TNK2: variants seen among roughly 807,000 people sequenced by gnomAD.
TNK2 encodes the protein activated CDC42 kinase 1.
TNK2 carries 83 observed loss-of-function variants against 101.8 expected under a neutral mutation model. That is an observed-to-expected ratio of 0.82 (90% confidence interval 0.68 to 0.98). TNK2 has a LOEUF of 0.98. TNK2 is among the 50% of genes least tolerant of loss of function. The pLI, the probability that TNK2 is intolerant of heterozygous loss-of-function variation, is 0.00. For synonymous variants in TNK2, 804 were observed against 633.0 expected, an observed-to-expected ratio of 1.27 and a Z score of -4.06; for missense variants, 1,665 against 1,483.2, an observed-to-expected ratio of 1.12 and a Z score of -2.01.
intron 11 of TNK2, 165 bp from the exon 12 acceptor site, chr3:195,869,706 C>T: frequency 1.4e-6 from 1 of 722,756 alleles, no homozygotes; most frequent in South Asian, 1.7e-5. Context: ...CCGCAGGCGG[C>T]AGGATGAGGA....
intron 9 of TNK2, among the ~76,000 whole-genome samples, chr3:195,874,431 A>G (rs547471690): frequency 6.6e-6 from 1 of 152,344 alleles, no homozygotes; most frequent in South Asian, 2.1e-4. Context: ...ACCACTCGAG[A>G]AAACATGCTT....
In TNK2 at chr3:195,878,667, C is replaced by G; in HGVS notation, c.1015-75G>C. On this transcript the variant is annotated intron_variant, in intron 7 of 15. Transcript: ENST00000672887. This position sits in a 1 kb window ranked among gnomAD's most constrained non-coding sequence, Gnocchi z 4.7. Reference sequence around the variant, plus strand: ...TTCACTTCCCGCCTTCCCTCCAGCCCATCCACAGCTGCAGCGGCTGCTGCC... The same window carrying G: ...TTCACTTCCCGCCTTCCCTCCAGCCGATCCACAGCTGCAGCGGCTGCTGCC... The G allele has an allele frequency of 6.4e-7, 1 of 1,554,874 alleles. No individual in the cohort carries two copies. Among genetic ancestry groups the G allele is most frequent in the South Asian group, 1.2e-5 (1 of 85,168 alleles).
At position 195,868,283 on chromosome 3, in the gene TNK2, G is replaced by T; in HGVS notation, c.2015C>A (p.Ala672Glu). Residue 672 changes from alanine (A) to glutamate (E), a missense_variant, in exon 13 of 16, where the codon GCG becomes GAG. Physicochemically the swap from Ala to Glu is moderately radical, Grantham distance 107. Around this residue, in one of 3 missense-constraint regions of TNK2, gnomAD observed 1,136 missense variants for 894.9 expected, o/e 1.27. Coordinates refer to ENST00000672887, the MANE Select transcript of TNK2 (RefSeq NM_001382273.1). ...ICSINSTLVG[A>E]GVPAGPSQGQ... ...CTGGCTGGGCCCGGCAGGGACCCCCGCGCCCACGAGGGTGCTGTTGATGGA... is the reference window on the plus strand; with the variant it reads ...CTGGCTGGGCCCGGCAGGGACCCCCTCGCCCACGAGGGTGCTGTTGATGGA... The T allele has an allele frequency of 6.2e-7, 1 of 1,603,958 alleles. No homozygotes were observed.
intron 6 of TNK2, among the ~76,000 whole-genome samples, chr3:195,879,723 G>A (rs1751332623): frequency 6.6e-6 from 1 of 152,116 alleles, no homozygotes; most frequent in South Asian, 2.1e-4. Flanking sequence ...AGGACATCCC[G>A]GCGTGGACTG....
chr3:195,879,229 G>C (rs199697262), intron 6 of TNK2, 54 bp from the exon 7 acceptor site: 1 of 1,603,444 alleles, frequency 6.2e-7, no homozygotes, highest in South Asian at 1.1e-5. Context: ...ACCTGCGTCC[G>C]CCCCAGGGAC....
Position 195,870,191 on chromosome 3 carries a change from T to G in TNK2, c.1466A>C (p.Asn489Thr). The change falls in exon 11 of 16, where the codon AAC becomes ACC. Residue 489 changes from asparagine to threonine, a missense_variant. By Grantham distance (65) the Asn-to-Thr change is moderately conservative (BLOSUM62 0). Around this residue, in one of 3 missense-constraint regions of TNK2, gnomAD observed 1,136 missense variants for 894.9 expected, o/e 1.27. Transcript: ENST00000672887. ...CAGGAGGTCGGGGGGGTCCATGGGGTTTCCCAGATACAGTCTGTGGGGGAG... is the reference window on the plus strand; with the variant it reads ...CAGGAGGTCGGGGGGGTCCATGGGGGTTCCCAGATACAGTCTGTGGGGGAG... ...PDRIDELYLG[N>T]PMDPPDLLSV... 6.4e-7 allele frequency: 1 copy of G among 1,556,404 alleles called. No homozygotes were observed. Among genetic ancestry groups the G allele is most frequent in the Non-Finnish European group, 8.7e-7 (1 of 1,147,068 alleles).
chr3:195,893,703 C>T (rs1299257463), intron 1 of TNK2, among the ~76,000 whole-genome samples: 1 of 152,056 alleles, frequency 6.6e-6, no homozygotes, highest in Admixed American at 6.5e-5. Context: ...GCTCCCCAGG[C>T]ACCCCCCTCC....
At chr3:195,887,069 G>A (rs372044140) in intron 2 of TNK2, 22 bp from the exon 3 acceptor site, 296 of 1,600,054 alleles carry the variant, frequency 1.8e-4, no homozygotes, top group Non-Finnish European at 2.2e-4. Context: ...GCGGGGAACC[G>A]CGTGCTGTGA....
In TNK2 at chr3:195,872,603, C is replaced by T. The variant is rs920483333; in HGVS notation, c.1257-133G>A. 17 of 931,622 alleles carry T rather than the reference C, an allele frequency of 1.8e-5. No individual in the cohort carries two copies. In the African/African-American group the frequency reaches 2.0e-4, roughly 11 times the overall value. The allele number at this position is 931,622 out of a possible 1,614,324, so 57.7% of individuals were successfully genotyped here. A position where few individuals can be genotyped will look rare whatever the true frequency, so the allele number is the denominator to read the frequency against. ...GCCTCAGGACCAGGCTGTGTGCCAC[C>T]GGCCCTCCTCCCCAACAGCCCCCGT... is the stretch of plus-strand genomic sequence containing the variant. On this transcript the variant is annotated intron_variant, in intron 9 of 15. Coordinates refer to ENST00000672887, the MANE Select transcript of TNK2 (RefSeq NM_001382273.1).
At chr3:195,870,957 G>GGGGACTCGCTGTGTGGGGTTCTGGTGTGT (rs1744758852) in intron 10 of TNK2, among the ~76,000 whole-genome samples, 7 of 135,130 alleles carry the variant, frequency 5.2e-5, no homozygotes, top group Middle Eastern at 3.7e-3. Flanking sequence ...TTCTGGTGTG[G>GGGGACTCGCTGTGTGGGGTTCTGGTGTGT]GGGGACTCGC....
At chr3:195,876,406 A>C (rs1288145600) in intron 9 of TNK2, 2 of 456,658 alleles carry the variant, frequency 4.4e-6, no homozygotes, top group Non-Finnish European at 8.8e-6. Context: ...AACTCCAAAC[A>C]CAGACCCACA....
intron 4 of TNK2, 78 bp downstream of exon 4, chr3:195,884,734 C>A: frequency 4.4e-6 from 6 of 1,372,308 alleles, no homozygotes; most frequent in Non-Finnish European, 6.0e-6. Context: ...CCATCCACAC[C>A]CTGGTTGGGG....
chr3:195,876,741 G>T (rs756049680), intron 9 of TNK2: 1 of 429,500 alleles, frequency 2.3e-6, no homozygotes, highest in South Asian at 1.6e-5. Context: ...GCCAACGGGG[G>T]CCTTCGACGG....
chr3:195,881,921 C>T (rs1459000034), intron 6 of TNK2, 130 bp downstream of exon 6: 8 of 1,109,552 alleles, frequency 7.2e-6, no homozygotes, highest in African/African-American at 1.6e-5. Context: ...CAAAGGAGGG[C>T]ACCCCAGGCT....
At chr3:195,892,046 C>T in intron 1 of TNK2, 1 of 1,040,320 alleles carries the variant, frequency 9.6e-7, no homozygotes, top group African/African-American at 1.7e-5. Flanking sequence ...TCCAGGGTGA[C>T]TCCGCAGGGG....
Position 195,868,582 on chromosome 3 carries a change from G to A in TNK2, c.1716C>T (p.Gly572=), listed in dbSNP as rs1742551250. Residue 572 remains glycine (G), a synonymous_variant, in exon 13 of 16, where the codon GGC becomes GGT. Coordinates refer to ENST00000672887, the MANE Select transcript of TNK2 (RefSeq NM_001382273.1). Reference sequence around the variant, plus strand: ...CCCCGCTGCCTCGGCTGGCCTTGGTGCCCGGCACCCGCGCCGAGGGCTTCG... The same window carrying A: ...CCCCGCTGCCTCGGCTGGCCTTGGTACCCGGCACCCGCGCCGAGGGCTTCG... The part of the protein sequence containing the change: ...WLAKPSARVP[G]TKASRGSGAE... 6.4e-7 allele frequency: 1 copy of A among 1,574,444 alleles called. No homozygotes were observed. The highest frequency in any genetic ancestry group is 8.6e-7 in the Non-Finnish European group (1 of 1,169,398).
chr3:195,901,135 G>C (rs1237825872), intron 1 of TNK2, among the ~76,000 whole-genome samples: 1 of 152,188 alleles, frequency 6.6e-6, no homozygotes, highest in Admixed American at 6.5e-5. Context: ...GAAATGTCCG[G>C]TGCTTCAAGA....
chr3:195,869,545 C>A lies in TNK2; in HGVS notation c.1544-4G>T. The A allele has an allele frequency of 6.4e-7, 1 of 1,551,160 alleles. No homozygotes were observed. The highest frequency in any genetic ancestry group is 8.7e-7 in the Non-Finnish European group (1 of 1,146,928). ...GGTGGGCGAGGTGGAGGCTCCCCTG[C>A]AAGAAAGGCCATGCGGACAGGGGGA... On this transcript the variant is annotated splice_polypyrimidine_tract_variant and splice_region_variant and intron_variant, in intron 11 of 15. Transcript: ENST00000672887.
Position 195,871,070 on chromosome 3 carries a change from T to G in TNK2, c.1452-865A>C, listed in dbSNP as rs1006322202. On this transcript the variant is annotated intron_variant, in intron 10 of 15. Transcript: ENST00000672887. Reference sequence around the variant, plus strand: ...GTGGGGCCCGGTGGGTGAAGGCCCCTGCTTTCCACGCCTCTCAGGGCAGAC... The same window carrying G: ...GTGGGGCCCGGTGGGTGAAGGCCCCGGCTTTCCACGCCTCTCAGGGCAGAC... Among the ~76,000 whole-genome samples, 4 of 145,282 alleles carry G rather than the reference T, an allele frequency of 2.8e-5. No homozygotes were observed. The South Asian group carries it at 6.4e-4, about 23-fold the overall frequency.
Sources: allele counts gnomAD v4.1 joint callset (sites outside exome capture counted in the v4.1 genomes callset), GRCh38; gene constraint gnomAD v4.1.1; regional missense constraint gnomAD v4.1.1; non-coding constraint Gnocchi (gnomAD v3.1); transcripts MANE v1.5; gene names NCBI Gene and HGNC (gene_info 2026-07-23, HGNC 2026-07-21).